The following TMTC2 variants were observed in gnomAD, a reference collection of about 807,000 sequenced individuals.
TMTC2 encodes protein O-mannosyl-transferase TMTC2.
Under a neutral mutation model 82.4 loss-of-function variants are expected in TMTC2, and 43 were observed. The ratio of observed to expected loss-of-function variants is 0.52; its 90% CI spans 0.41 to 0.67. The LOEUF (loss-of-function observed/expected upper bound fraction) is 0.67, where lower values mean the gene tolerates loss of function less well. Among genes scored for constraint, TMTC2 ranks in the 30% least tolerant of loss-of-function variants. The pLI is 0.00. For synonymous variants in TMTC2, 408 were observed against 381.9 expected (o/e 1.07, Z -0.80); for missense variants, 919 against 1,012.4 (o/e 0.91, Z 1.25).
rs186475344 is a variant in TMTC2, at chr12:83,133,970, A to G, written c.*1581A>G. 6.6e-6 allele frequency: 1 copy of G among 152,662 alleles called. No individual in the cohort carries two copies. Among genetic ancestry groups the G allele is most frequent in the East Asian group, 1.9e-4 (1 of 5,184 alleles). 9.5% of individuals were successfully genotyped at this position (152,662 alleles called of 1,614,324 possible). On this transcript the variant is annotated 3_prime_UTR_variant, in exon 12 of 12. Coordinates refer to ENST00000321196, the MANE Select transcript of TMTC2 (RefSeq NM_152588.3). ...TTAAAAAGAAGCTGGACATGCAAAT[A>G]CATCATATTATGTTTTCTCCATATT...
intron 3 of TMTC2, among the ~76,000 whole-genome samples, chr12:82,924,337 C>T (rs547246959): frequency 6.6e-6 from 1 of 152,152 alleles, no homozygotes; most frequent in Non-Finnish European, 1.5e-5. Flanking sequence ...GATAAAAAAT[C>T]ATTCATATAG....
At chr12:82,788,257 A>G (rs1878281568) in intron 1 of TMTC2, among the ~76,000 whole-genome samples, 1 of 152,172 alleles carries the variant, frequency 6.6e-6, no homozygotes, top group African/African-American at 2.4e-5. Context: ...AGATGATATT[A>G]CAATATACCT....
At chr12:83,001,985 C>G (rs1879947746) in intron 8 of TMTC2, among the ~76,000 whole-genome samples, 1 of 152,178 alleles carries the variant, frequency 6.6e-6, no homozygotes. Context: ...CAGAATGATG[C>G]TGGCTTCATA....
chr12:82,926,729 C>T (rs1051541789), intron 3 of TMTC2, among the ~76,000 whole-genome samples: 4 of 152,104 alleles, frequency 2.6e-5, no homozygotes, highest in Admixed American at 6.6e-5. Flanking sequence ...TGGTAACCTT[C>T]AGTAGAAGCC....
At chr12:83,017,463 A>G (rs1880725572) in intron 8 of TMTC2, among the ~76,000 whole-genome samples, 1 of 152,124 alleles carries the variant, frequency 6.6e-6, no homozygotes, top group African/African-American at 2.4e-5. Flanking sequence ...TTTCTGAGAT[A>G]CTCTACCTTT....
intron 1 of TMTC2, among the ~76,000 whole-genome samples, chr12:82,706,250 G>A (rs190443653): frequency 9.1e-4 from 138 of 151,452 alleles, no homozygotes; most frequent in Middle Eastern, 6.8e-3. Context: ...CTGGGAGGCG[G>A]AGGTTGCAGT....
At chr12:82,993,611 A>G (rs1002411375) in intron 8 of TMTC2, among the ~76,000 whole-genome samples, 1 of 152,168 alleles carries the variant, frequency 6.6e-6, no homozygotes, top group African/African-American at 2.4e-5. Flanking sequence ...ACAGGCTATT[A>G]TTATATTATT....
chr12:82,766,641 A>G (rs1218040759), intron 1 of TMTC2, among the ~76,000 whole-genome samples: 1 of 152,230 alleles, frequency 6.6e-6, no homozygotes, highest in African/African-American at 2.4e-5. Flanking sequence ...AAAATGCCAA[A>G]TATGGCAGAG....
chr12:82,821,035 T>A (rs912969241), intron 1 of TMTC2, among the ~76,000 whole-genome samples: 3 of 152,098 alleles, frequency 2.0e-5, no homozygotes, highest in Non-Finnish European at 4.4e-5. Context: ...ATTTTTTTTT[T>A]TTTCGTAGAG....
chr12:82,723,313 TTTAA>T (rs1218408776), intron 1 of TMTC2, among the ~76,000 whole-genome samples: 3 of 152,246 alleles, frequency 2.0e-5, no homozygotes, highest in East Asian at 1.9e-4. Flanking sequence ...CAGTTTCTAT[TTTAA>T]TTTAGGAGCT....
chr12:83,029,114 T>TTTTTG (rs375722686), intron 8 of TMTC2, among the ~76,000 whole-genome samples: 2,490 of 152,132 alleles, frequency 0.016, 63 homozygotes, highest in Admixed American at 0.044. Flanking sequence ...AACAATGAGT[T>TTTTTG]TTTTGTTTTG....
At chr12:82,922,422 C>T (rs1269338802) in intron 3 of TMTC2, among the ~76,000 whole-genome samples, 1 of 152,102 alleles carries the variant, frequency 6.6e-6, no homozygotes, top group Admixed American at 6.6e-5. Flanking sequence ...TAGGATATAG[C>T]ATAACTGCAT....
chr12:82,927,261 C>G (rs1000337737), intron 3 of TMTC2, among the ~76,000 whole-genome samples: 1 of 152,066 alleles, frequency 6.6e-6, no homozygotes, highest in Non-Finnish European at 1.5e-5. Context: ...GATTCCAATC[C>G]TTATGGATAC....
intron 11 of TMTC2, among the ~76,000 whole-genome samples, chr12:83,068,838 A>G (rs1275326240): frequency 1.3e-5 from 2 of 151,990 alleles, no homozygotes; most frequent in African/African-American, 4.8e-5. Flanking sequence ...CCATATTTGT[A>G]GTCTTTTATC....
intron 11 of TMTC2, among the ~76,000 whole-genome samples, chr12:83,124,544 A>G (rs1885047246): frequency 6.6e-6 from 1 of 150,942 alleles, no homozygotes; most frequent in South Asian, 2.1e-4. Context: ...GTAAGCTATG[A>G]ATAAGAAATT....
At chr12:82,791,100 C>T (rs993509549) in intron 1 of TMTC2, among the ~76,000 whole-genome samples, 4 of 151,986 alleles carry the variant, frequency 2.6e-5, no homozygotes, top group Non-Finnish European at 4.4e-5. Context: ...TTATCTTTGA[C>T]ATAGCTTATT....
intron 2 of TMTC2, among the ~76,000 whole-genome samples, chr12:82,879,535 C>T (rs1288610144): frequency 5.3e-5 from 8 of 152,196 alleles, no homozygotes; most frequent in Admixed American, 5.2e-4. Context: ...TGCTGTGTGG[C>T]TCAGTTCCTA....
rs1885295555 is a variant in TMTC2 at position 83,132,543 on chromosome 12, T to C, written c.*154T>C. ...ACTACCGCTTCTGGAAGAATCCACT[T>C]TGCTGTAGGCACAGCTGTTAACACC... On this transcript the variant is annotated 3_prime_UTR_variant, in exon 12 of 12. Transcript: ENST00000321196. 3.6e-6 allele frequency: 3 copies of C among 824,638 alleles called. No individual in the cohort carries two copies. The highest frequency in any genetic ancestry group is 3.9e-5 in the South Asian group (2 of 50,796). 51.1% of individuals were successfully genotyped at this position (824,638 alleles called of 1,614,324 possible). A position where few individuals can be genotyped will look rare whatever the true frequency, so the allele number is the denominator to read the frequency against.
chr12:82,879,529 G>A (rs1254753211), intron 2 of TMTC2, among the ~76,000 whole-genome samples: 2 of 152,200 alleles, frequency 1.3e-5, no homozygotes, highest in Non-Finnish European at 2.9e-5. Flanking sequence ...ACCTCCTGCT[G>A]TGTGGCTCAG....
Sources: allele counts gnomAD v4.1 joint callset (sites outside exome capture counted in the v4.1 genomes callset), GRCh38; gene constraint gnomAD v4.1.1; transcripts MANE v1.5; gene names NCBI Gene and HGNC (gene_info 2026-07-23, HGNC 2026-07-21).